Variants in KANK1 observed in about 807,000 individuals in gnomAD.
The protein encoded by KANK1 is KN motif and ankyrin repeat domain-containing protein 1.
KANK1 carries 109 observed loss-of-function variants against 106.2 expected under a neutral mutation model. That is an observed-to-expected ratio of 1.03 (90% CI 0.88 to 1.20). The LOEUF (loss-of-function observed/expected upper bound fraction) is 1.20. Ranked by LOEUF, KANK1 falls within the 50% of genes most tolerant of loss-of-function variation. The pLI is 0.00. For synonymous variants in KANK1, 873 were observed against 652.2 expected (o/e 1.34, Z -5.16); for missense variants, 2,399 against 1,710.7 (o/e 1.40, Z -7.10).
At chr9:673,832 G>T (rs141455388) in intron 1 of KANK1, 1 of 152,016 alleles carries the variant, frequency 6.6e-6, no homozygotes, top group Admixed American at 6.6e-5. Flanking sequence ...TTTACAAGCC[G>T]TTATGGAGCA....
At chr9:740,647 T>A in intron 8 of KANK1, 145 bp from the exon 9 acceptor site, 1 of 888,278 alleles carries the variant, frequency 1.1e-6, no homozygotes, top group Non-Finnish European at 1.7e-6. Context: ...ATCTCTCACA[T>A]TTCCTTCTAA....
chr9:554,375 T>C (rs1455192328), intron 1 of KANK1, among the ~76,000 whole-genome samples: 2 of 152,208 alleles, frequency 1.3e-5, no homozygotes, highest in Non-Finnish European at 2.9e-5. Context: ...CCTCTCCCTT[T>C]TTGTTCTATT....
intron 1 of KANK1, among the ~76,000 whole-genome samples, chr9:573,740 A>G (rs1346349869): frequency 4.1e-5 from 6 of 148,044 alleles, no homozygotes; most frequent in Non-Finnish European, 8.9e-5. Context: ...TCACCCATTG[A>G]TTGATGGTTT....
At chr9:676,137 G>A (rs902961359) in intron 1 of KANK1, among the ~76,000 whole-genome samples, 1 of 152,136 alleles carries the variant, frequency 6.6e-6, no homozygotes, top group Non-Finnish European at 1.5e-5. Flanking sequence ...TTATCAGCAA[G>A]GTCTTTGTGA....
At chr9:530,988 T>C (rs190071160) in intron 1 of KANK1, among the ~76,000 whole-genome samples, 1 of 152,142 alleles carries the variant, frequency 6.6e-6, no homozygotes, top group East Asian at 1.9e-4. Context: ...AAATGAATTA[T>C]GCAAACTTTA....
chr9:687,904 ATCT>A (rs1422922490), intron 2 of KANK1, among the ~76,000 whole-genome samples: 10 of 152,222 alleles, frequency 6.6e-5, no homozygotes, highest in East Asian at 3.8e-4. Flanking sequence ...GAATCATGTC[ATCT>A]TCTTCGTATG....
At chr9:556,748 CTT>C (rs1258511049) in intron 1 of KANK1, among the ~76,000 whole-genome samples, 1 of 152,106 alleles carries the variant, frequency 6.6e-6, no homozygotes, top group Non-Finnish European at 1.5e-5. Context: ...TTTTAGTTTT[CTT>C]TGTTTATTTT....
At chr9:611,288 A>C (rs188539185) in intron 1 of KANK1, among the ~76,000 whole-genome samples, 20 of 152,338 alleles carry the variant, frequency 1.3e-4, no homozygotes, top group African/African-American at 4.6e-4. Flanking sequence ...TCACTGAACC[A>C]AGAGCCCAGC....
rs547669844 is a variant in KANK1, at chr9:536,201, C to G, written c.-84+31447C>G. Among the ~76,000 whole-genome samples, 8 of 152,186 alleles carry G rather than the reference C, an allele frequency of 5.3e-5. No homozygotes were observed. In the East Asian group the frequency reaches 7.7e-4, roughly 15 times the overall value. ...AAAAAATATAAAAAAAATAGCCAGA[C>G]ATGGTGGCGGGCACCTGTAATCCCA... On this transcript the variant is annotated intron_variant, in intron 1 of 11. Transcript: ENST00000382297.
chr9:505,617 G>C (rs1015976556), intron 1 of KANK1, among the ~76,000 whole-genome samples: 3 of 152,240 alleles, frequency 2.0e-5, no homozygotes, highest in Admixed American at 2.0e-4. Context: ...TTGCGGGTCA[G>C]CACGAGCCGT....
At chr9:535,726 T>C (rs1213978962) in intron 1 of KANK1, among the ~76,000 whole-genome samples, 1 of 152,224 alleles carries the variant, frequency 6.6e-6, no homozygotes, top group Non-Finnish European at 1.5e-5. Flanking sequence ...AGAATCATGG[T>C]ATTTGTGATT....
chr9:712,272 C>CT lies in KANK1; in HGVS notation c.1506_1507insT (p.Lys503Ter). On this transcript the variant is annotated frameshift_variant, in exon 3 of 12. Transcript: ENST00000382297. LOFTEE classifies it high-confidence loss of function. ...CTGCTGGATCGAGGAAAAAGGTTGA[C>CT]AAAGCCACGATGGCCCAGCCGCTTG... The CT allele has an allele frequency of 6.2e-7, 1 of 1,614,160 alleles. No individual in the cohort carries two copies. Among genetic ancestry groups the CT allele is most frequent in the Non-Finnish European group, 8.5e-7 (1 of 1,180,020 alleles).
chr9:738,923 C>T (rs764166569), intron 8 of KANK1, among the ~76,000 whole-genome samples: 94 of 152,196 alleles, frequency 6.2e-4, no homozygotes, highest in Non-Finnish European at 1.0e-3. Flanking sequence ...GACCTTACTC[C>T]ATGACTGCTG....
intron 1 of KANK1, among the ~76,000 whole-genome samples, chr9:653,048 C>T (rs1171381334): frequency 6.6e-6 from 1 of 152,170 alleles, no homozygotes; most frequent in Admixed American, 6.5e-5. Flanking sequence ...AGACCTGTGT[C>T]CTGCTGACTC....
At chr9:627,294 G>C (rs1268605270) in intron 1 of KANK1, among the ~76,000 whole-genome samples, 2 of 152,112 alleles carry the variant, frequency 1.3e-5, no homozygotes, top group African/African-American at 4.8e-5. Flanking sequence ...CACAAAGCCT[G>C]ATTTGAGTAC....
At chr9:574,854 C>CAAAA (rs57091352) in intron 1 of KANK1, among the ~76,000 whole-genome samples, 1 of 79,202 alleles carries the variant, frequency 1.3e-5, no homozygotes, top group African/African-American at 3.4e-5. Flanking sequence ...GACTCCGTCT[C>CAAAA]AAAAAAAAAA....
At chr9:680,895 T>A (rs1817422782) in intron 2 of KANK1, 1 of 152,162 alleles carries the variant, frequency 6.6e-6, no homozygotes, top group South Asian at 2.1e-4. Flanking sequence ...TTCTCTTGAT[T>A]GGTACAGTAC....
At chr9:686,671 C>T in intron 2 of KANK1, 3 of 792,912 alleles carry the variant, frequency 3.8e-6, no homozygotes, top group Non-Finnish European at 4.6e-6. Context: ...AAGTCTGCCC[C>T]AGGGACAACT....
chr9:703,560 CCA>C (rs1409904469), intron 2 of KANK1, among the ~76,000 whole-genome samples: 3 of 152,058 alleles, frequency 2.0e-5, no homozygotes, highest in African/African-American at 7.2e-5. Context: ...CCCTCCAATT[CCA>C]GAATATTTAG....
Sources: gnomAD v4.1 joint callset for allele counts (sites outside exome capture counted in the v4.1 genomes callset) on GRCh38, gnomAD v4.1.1 for gene constraint, MANE v1.5 for transcripts, NCBI Gene and HGNC (gene_info 2026-07-23, HGNC 2026-07-21) for gene names.